Variants in BRF1 observed in about 807,000 individuals in gnomAD.
BRF1 encodes the protein transcription factor IIIB 90 kDa subunit.
BRF1 carries 59 observed loss-of-function variants against 81.7 expected under a neutral mutation model. The ratio of observed to expected loss-of-function variants is 0.72; its 90% CI spans 0.59 to 0.90. The LOEUF (loss-of-function observed/expected upper bound fraction) is 0.90. Among genes scored for constraint, BRF1 ranks in the 40% least tolerant of loss-of-function variants. The probability of loss-of-function intolerance (pLI) is 0.00; values close to 1 mark genes in which losing one functional copy is unlikely to be tolerated. For missense variants in BRF1, 1,050 were observed against 936.3 expected (o/e 1.12, Z -1.58); for synonymous variants, 491 against 395.6 (o/e 1.24, Z -2.86).
Position 105,300,706 on chromosome 14 carries a change from G to T in BRF1, c.-77C>A. On this transcript the variant is annotated 5_prime_UTR_variant, in exon 1 of 18. Transcript: ENST00000547530. The stretch of plus-strand genomic sequence containing the variant: ...CCGAGCCTCCGGAGCAGCCCGCGCC[G>T]CCCGCCCAGGCCCAGCCGCCCAGGC... 2.7e-6 allele frequency: 3 copies of T among 1,122,772 alleles called. No homozygotes were observed. Among genetic ancestry groups the T allele is most frequent in the Non-Finnish European group, 3.4e-6 (3 of 892,886 alleles). The allele number at this position is 1,122,772 out of a possible 1,614,324, so 69.6% of individuals were successfully genotyped here.
upstream of BRF1, among the ~76,000 whole-genome samples, chr14:105,301,532 T>TG (rs1009910759): frequency 3.3e-5 from 5 of 152,058 alleles, no homozygotes; most frequent in South Asian, 2.1e-4. Context: ...GCAGCTGCGC[T>TG]GGGGGGCCTG....
At chr14:105,251,416 T>C (rs1054346538) in intron 5 of BRF1, among the ~76,000 whole-genome samples, 5 of 152,200 alleles carry the variant, frequency 3.3e-5, no homozygotes, top group Non-Finnish European at 7.4e-5. Flanking sequence ...TGTCACTAGC[T>C]GTGACACTGC....
intron 11 of BRF1, 116 bp from the exon 12 acceptor site, chr14:105,220,246 G>T: frequency 8.7e-7 from 1 of 1,154,346 alleles, no homozygotes; most frequent in Non-Finnish European, 1.3e-6. Flanking sequence ...CTAGAACCCC[G>T]TCCCCTCCTC....
In BRF1 at chr14:105,300,539, C is replaced by T; in HGVS notation, c.91G>A (p.Val31Met). Residue 31 changes from valine (V) to methionine (M), a missense_variant, in exon 1 of 18, where the codon GTG becomes ATG. Physicochemically the swap from Val to Met is conservative, Grantham distance 21. Around this residue, in one of 2 missense-constraint regions of BRF1, gnomAD observed 1,043 missense variants for 915.4 expected, o/e 1.14. Coordinates refer to ENST00000547530, the MANE Select transcript of BRF1 (RefSeq NM_001519.4). ...GDAVCTACGS[V>M]LEDNIIVSEV... is the part of the protein sequence containing the mutation. ...GACACGATGATGTTGTCCTCCAGCA[C>T]TGAGCCGCAGGCGGTGCACACCGCG... 1 of 1,528,586 alleles carries T rather than the reference C, an allele frequency of 6.5e-7. No homozygotes were observed. Among genetic ancestry groups the T allele is most frequent in the Non-Finnish European group, 8.8e-7 (1 of 1,141,212 alleles). 94.7% of individuals were successfully genotyped at this position (1,528,586 alleles called of 1,614,324 possible).
intron 2 of BRF1, among the ~76,000 whole-genome samples, chr14:105,274,063 G>A (rs587775418): frequency 4.3e-4 from 66 of 152,370 alleles, no homozygotes; most frequent in Admixed American, 1.2e-3. Context: ...CCTATGGCGG[G>A]AGATTAGACA....
chr14:105,314,440 C>A (rs1440536591), intron 1 of BRF1: 3 of 149,784 alleles, frequency 2.0e-5, no homozygotes, highest in Non-Finnish European at 4.5e-5. Context: ...CTCTCCCGGC[C>A]CTTGCCCGCG....
At chr14:105,250,362 C>T (rs749914273) in intron 5 of BRF1, 2 of 1,613,702 alleles carry the variant, frequency 1.2e-6, no homozygotes, top group Non-Finnish European at 1.7e-6. Context: ...TCTGGGAAGG[C>T]TGAGTACAGC....
chr14:105,247,828 G>A (rs916843242), intron 5 of BRF1: 4 of 985,530 alleles, frequency 4.1e-6, no homozygotes, highest in African/African-American at 3.5e-5. Context: ...GCCCAGGCCA[G>A]GTGACACGGC....
At position 105,228,870 on chromosome 14, in the gene BRF1, C is replaced by G; in HGVS notation, c.738G>C (p.Val246=). ...CTTTGACCACACTGATGACCTCCTT[C>G]ACAGTCCTCCTGAAGTCATGCATTC... is the stretch of plus-strand genomic sequence containing the variant. ...AARMHDFRRT[V]KEVISVVKVC... The change falls in exon 7 of 18, where the codon GTG becomes GTC. Residue 246 remains valine, a synonymous_variant. Coordinates refer to ENST00000547530, the MANE Select transcript of BRF1 (RefSeq NM_001519.4). 14 of 1,613,886 alleles carry G rather than the reference C, an allele frequency of 8.7e-6. No homozygotes were observed. Among genetic ancestry groups the G allele is most frequent in the African/African-American group, 1.3e-5 (1 of 75,084 alleles).
chr14:105,217,978 C>T (rs1047347690), intron 14 of BRF1, among the ~76,000 whole-genome samples, 178 bp from the exon 15 acceptor site: 1 of 152,222 alleles, frequency 6.6e-6, no homozygotes, highest in Non-Finnish European at 1.5e-5. Context: ...TGGGCCTGCC[C>T]ACGTCAAATC....
chr14:105,219,820 T>C, intron 12 of BRF1: 1 of 567,912 alleles, frequency 1.8e-6, no homozygotes, highest in South Asian at 2.1e-5. Flanking sequence ...GCAGGCTATG[T>C]GCCGAGGGCC....
At chr14:105,304,183 G>A (rs79925131), upstream of BRF1, among the ~76,000 whole-genome samples, 4,654 of 152,260 alleles carry the variant, frequency 0.031, 120 homozygotes, top group African/African-American at 0.068. Flanking sequence ...CACCCACAAC[G>A]GTAAGAGGTT....
intron 15 of BRF1, among the ~76,000 whole-genome samples, chr14:105,213,992 G>A (rs587614746): frequency 3.9e-5 from 6 of 152,362 alleles, no homozygotes; most frequent in African/African-American, 1.4e-4. Flanking sequence ...CCTCGGCCAT[G>A]GCTTTGGCCT....
intron 3 of BRF1, among the ~76,000 whole-genome samples, chr14:105,266,308 G>A (rs948548312): frequency 1.3e-5 from 2 of 152,166 alleles, no homozygotes; most frequent in Non-Finnish European, 2.9e-5. Context: ...GGCTACTCGG[G>A]ATGCTGAGGC....
chr14:105,258,777 C>A lies in BRF1; in HGVS notation c.440-2228G>T, dbSNP rs587690804. On this transcript the variant is annotated intron_variant, in intron 3 of 17. Transcript: ENST00000547530. ...TCGCACCACTGCACTCCAGCCTGGGCAACAGAGCGAGACTCAGTCTCAAAA... is the reference window on the plus strand; with the variant it reads ...TCGCACCACTGCACTCCAGCCTGGGAAACAGAGCGAGACTCAGTCTCAAAA... Among the ~76,000 whole-genome samples the A allele has an allele frequency of 7.2e-5, 11 of 151,798 alleles. No individual in the cohort carries two copies. In the East Asian group the frequency reaches 1.4e-3, roughly 19 times the overall value.
chr14:105,250,396 CG>C (rs1566836468), intron 5 of BRF1: 1 of 1,613,804 alleles, frequency 6.2e-7, no homozygotes, highest in Non-Finnish European at 8.5e-7. Context: ...TCAAGCGGCT[CG>C]GGGTGGTTCT....
At chr14:105,214,888 G>C (rs971938003) in intron 15 of BRF1, among the ~76,000 whole-genome samples, 2 of 151,984 alleles carry the variant, frequency 1.3e-5, no homozygotes, top group Non-Finnish European at 2.9e-5. Context: ...TTCCTCACCC[G>C]AGTGTGGGTG....
chr14:105,257,551 G>A (rs2055942691), intron 3 of BRF1, among the ~76,000 whole-genome samples: 1 of 152,222 alleles, frequency 6.6e-6, no homozygotes, highest in South Asian at 2.1e-4. Flanking sequence ...CAGGACGGCT[G>A]GGACGTGAGC....
intron 4 of BRF1, among the ~76,000 whole-genome samples, chr14:105,254,508 C>T (rs1446954784): frequency 6.6e-6 from 1 of 152,096 alleles, no homozygotes; most frequent in African/African-American, 2.4e-5. Context: ...CTGCCCGCCT[C>T]GGCCTCCCAA....
Sources: allele counts gnomAD v4.1 joint callset (sites outside exome capture counted in the v4.1 genomes callset), GRCh38; gene constraint gnomAD v4.1.1; regional missense constraint gnomAD v4.1.1; transcripts MANE v1.5; gene names NCBI Gene and HGNC (gene_info 2026-07-23, HGNC 2026-07-21).